The following RBPJ variants were observed in gnomAD, a reference collection of about 807,000 sequenced individuals.
RBPJ encodes the protein recombination signal binding protein for immunoglobulin kappa J region, also known as recombining binding protein suppressor of hairless.
In RBPJ, 9 loss-of-function variants were observed where a neutral mutation model predicts 67.8. The ratio of observed to expected loss-of-function variants is 0.13; its 90% CI spans 0.08 to 0.23. RBPJ has a LOEUF of 0.23. RBPJ is among the 10% of genes least tolerant of loss of function. The probability of loss-of-function intolerance (pLI) is 1.00; values close to 1 mark genes in which losing one functional copy is unlikely to be tolerated. For missense variants in RBPJ, 305 were observed against 595.6 expected, an observed-to-expected ratio of 0.51 and a Z score of 5.08; for synonymous variants, 198 against 203.3, an observed-to-expected ratio of 0.97 and a Z score of 0.22.
chr4:26,415,529 A>C lies in RBPJ; in HGVS notation c.210A>C (p.Lys70Asn), dbSNP rs1023352002. The stretch of plus-strand genomic sequence containing the variant: ...TTATGGGCAGTGGATGGAAGAAAAA[A>C]AAAGAACAAATGGAACGCGATGGTT... ...VYLMGSGWKK[K>N]KEQMERDGCS... Residue 70 changes from lysine (K) to asparagine (N), a missense_variant, in exon 4 of 11, where the codon AAA (lysine) becomes AAC (asparagine). By Grantham distance (94) the Lys-to-Asn change is moderately conservative (BLOSUM62 0). This residue lies in a region of RBPJ where 79 missense variants were observed against 106.2 expected (regional missense o/e 0.74). Coordinates refer to ENST00000355476, the MANE Select transcript of RBPJ (RefSeq NM_015874.6). 1 of 1,613,610 alleles carries C rather than the reference A, an allele frequency of 6.2e-7. No homozygotes were observed. Among genetic ancestry groups the C allele is most frequent in the Non-Finnish European group, 8.5e-7 (1 of 1,179,732 alleles).
chr4:26,353,986 A>T lies in RBPJ; in HGVS notation c.21-32367A>T, dbSNP rs1160497511. 2.6e-5 allele frequency among the ~76,000 whole-genome samples: 4 copies of T among 151,202 alleles called. No homozygotes were observed. In the East Asian group the frequency reaches 5.8e-4, roughly 22 times the overall value. On this transcript the variant is annotated intron_variant, in intron 1 of 10. Transcript: ENST00000355476. ...GCTCTGTCCGCCCAGGCTGGAGTGC[A>T]GTGGCGTGATCTCGGCTCACTGCAA...
intron 1 of RBPJ, among the ~76,000 whole-genome samples, chr4:26,210,796 T>TTTCC (rs1718391252): frequency 1.4e-5 from 2 of 139,064 alleles, no homozygotes; most frequent in African/African-American, 2.7e-5. Context: ...TCTTTCTTTC[T>TTTCC]TTCTTTCTTT....
intron 1 of RBPJ, among the ~76,000 whole-genome samples, chr4:26,375,927 C>T (rs1204619800): frequency 1.3e-5 from 2 of 152,130 alleles, no homozygotes; most frequent in African/African-American, 4.8e-5. Flanking sequence ...TATATTCATA[C>T]ATATACTCCT....
chr4:26,149,779 G>T, the RBPJ span, among the ~76,000 whole-genome samples: 4 of 152,252 alleles, frequency 2.6e-5, no homozygotes, highest in African/African-American at 7.2e-5. Context: ...TCAGTTTTTG[G>T]TGTTCTCTTA....
chr4:26,216,902 G>A (rs1278348924), intron 1 of RBPJ, among the ~76,000 whole-genome samples: 1 of 152,156 alleles, frequency 6.6e-6, no homozygotes, highest in Non-Finnish European at 1.5e-5. Context: ...TCCAGCCTGG[G>A]CAACAGAGTA....
chr4:26,205,605 T>G (rs1718142336), intron 1 of RBPJ, among the ~76,000 whole-genome samples: 1 of 151,474 alleles, frequency 6.6e-6, no homozygotes, highest in Non-Finnish European at 1.5e-5. Context: ...TTTTGTTTTG[T>G]TTTTGGAGAT....
intron 1 of RBPJ, among the ~76,000 whole-genome samples, chr4:26,303,581 C>T (rs1051713828): frequency 1.3e-5 from 2 of 151,680 alleles, no homozygotes; most frequent in African/African-American, 2.4e-5. Context: ...ATTTAGTTGC[C>T]CCCACTTGAA....
At chr4:26,279,207 G>T (rs1241657230) in intron 1 of RBPJ, among the ~76,000 whole-genome samples, 1 of 152,118 alleles carries the variant, frequency 6.6e-6, no homozygotes, top group Non-Finnish European at 1.5e-5. Flanking sequence ...AATCCAGTTG[G>T]GCAGAAGAGA....
At chr4:26,143,753 C>T in the RBPJ span, among the ~76,000 whole-genome samples, 2 of 152,110 alleles carry the variant, frequency 1.3e-5, no homozygotes, top group Admixed American at 1.3e-4. Flanking sequence ...ATGGCAAAAC[C>T]CCGTCTCTAC....
chr4:26,378,145 G>T (rs945368281), intron 1 of RBPJ, among the ~76,000 whole-genome samples: 4 of 151,998 alleles, frequency 2.6e-5, no homozygotes, highest in African/African-American at 9.7e-5. Context: ...CCACAGTTGG[G>T]GTTTGTTCCT....
chr4:26,405,125 C>T lies in RBPJ; in HGVS notation c.60-1050C>T, dbSNP rs75496917. Among the ~76,000 whole-genome samples, 561 of 152,188 alleles carry T rather than the reference C, an allele frequency of 3.7e-3. 3 individuals are homozygous for T. Among genetic ancestry groups the T allele is most frequent in the African/African-American group, 0.013 (536 of 41,508 alleles). On this transcript the variant is annotated intron_variant, in intron 2 of 10. Transcript: ENST00000355476. ...GTTATTAGGTTATCTCCTTTAATCC[C>T]CTCAGCCACCCTGTGGTAGGGAGGT...
At chr4:26,420,768 T>G (rs1157390645) in intron 5 of RBPJ, 43 bp downstream of exon 5, 11 of 1,475,058 alleles carry the variant, frequency 7.5e-6, no homozygotes, top group Non-Finnish European at 1.0e-5. Flanking sequence ...CCACCATGAA[T>G]TAATAAGACA....
chr4:26,365,194 AT>A (rs540645726), intron 1 of RBPJ, among the ~76,000 whole-genome samples: 3 of 151,226 alleles, frequency 2.0e-5, no homozygotes, highest in African/African-American at 4.9e-5. Context: ...GCCAGATTAG[AT>A]TTTTTTTTGT....
intron 1 of RBPJ, among the ~76,000 whole-genome samples, chr4:26,181,497 C>T (rs966951893): frequency 2.0e-5 from 3 of 152,188 alleles, no homozygotes; most frequent in African/African-American, 7.2e-5. Flanking sequence ...CCTTCAGTCT[C>T]TCAACTTTTA....
intron 1 of RBPJ, among the ~76,000 whole-genome samples, chr4:26,355,362 A>G (rs909194473): frequency 3.3e-5 from 5 of 152,134 alleles, no homozygotes; most frequent in African/African-American, 1.2e-4. Context: ...GACATTTCTT[A>G]AAAACCTATT....
In RBPJ at chr4:26,163,890, G is replaced by A. The variant is rs370321140; in HGVS notation, c.-167+276G>A. ...GTCCTAGGACAAGGTGCTTTTCCCC[G>A]TGCCTCCAGACCGGTAACACTGCTT... is the stretch of plus-strand genomic sequence containing the variant. On this transcript the variant is annotated intron_variant, in intron 1 of 4. Transcript: ENST00000512351. Among the ~76,000 whole-genome samples, 11 of 152,226 alleles carry A rather than the reference G, an allele frequency of 7.2e-5. 1 individual carries two copies. The East Asian group carries it at 7.7e-4, about 11-fold the overall frequency.
At chr4:26,320,697 C>T, upstream of RBPJ, 5 of 1,520,826 alleles carry the variant, frequency 3.3e-6, no homozygotes, top group South Asian at 6.2e-5. Context: ...CGGTTTTCCT[C>T]AGTCTCCACG....
chr4:26,199,639 A>G (rs916895283), intron 1 of RBPJ, among the ~76,000 whole-genome samples: 9 of 152,148 alleles, frequency 5.9e-5, no homozygotes, highest in Non-Finnish European at 4.4e-5. Context: ...TCTGAAGCGG[A>G]AATTTTAAGT....
chr4:26,349,093 C>CGCGCGCGT lies in RBPJ; in HGVS notation c.20+28049_20+28050insGCGTGCGC, dbSNP rs113326244. On this transcript the variant is annotated intron_variant, in intron 1 of 10. Coordinates refer to ENST00000355476, the MANE Select transcript of RBPJ (RefSeq NM_015874.6). ...AAGTTTGTGTGTGTGTGTGTGCGCG[C>CGCGCGCGT]GCGCACGCACTTGCCAGGCTCTAGA... is the stretch of plus-strand genomic sequence containing the variant. Among the ~76,000 whole-genome samples, 869 of 150,838 alleles carry CGCGCGCGT rather than the reference C, an allele frequency of 5.8e-3. 11 individuals are homozygous for CGCGCGCGT. The highest frequency in any genetic ancestry group is 0.02 in the African/African-American group (822 of 41,108).
Sources: gnomAD v4.1 joint callset for allele counts (sites outside exome capture counted in the v4.1 genomes callset) on GRCh38, gnomAD v4.1.1 for gene constraint, gnomAD v4.1.1 regional missense constraint, MANE v1.5 for transcripts, NCBI Gene and HGNC (gene_info 2026-07-23, HGNC 2026-07-21) for gene names.